The following NOVA2 variants were observed in gnomAD, a reference collection of about 807,000 sequenced individuals.
NOVA2 encodes the protein NOVA alternative splicing regulator 2.
Under a neutral mutation model 22.5 loss-of-function variants are expected in NOVA2, and 9 were observed. The ratio of observed to expected loss-of-function variants is 0.40; its 90% CI spans 0.24 to 0.70. The LOEUF is 0.70. NOVA2 is among the 30% of genes least tolerant of loss of function. NOVA2 has a pLI of 0.38. For synonymous variants in NOVA2, 318 were observed against 335.2 expected (o/e 0.95, Z 0.56); for missense variants, 383 against 682.8 (o/e 0.56, Z 4.89).
intron 2 of NOVA2, among the ~76,000 whole-genome samples, chr19:45,958,701 C>T (rs779963030): frequency 1.4e-4 from 21 of 152,058 alleles, no homozygotes; most frequent in African/African-American, 3.6e-4. Flanking sequence ...CTACTAGGCC[C>T]AGAGTGCCCT....
At chr19:45,963,826 G>C (rs1177342511) in intron 1 of NOVA2, among the ~76,000 whole-genome samples, 1 of 151,846 alleles carries the variant, frequency 6.6e-6, no homozygotes, top group South Asian at 2.1e-4. Context: ...CACCGCGCCC[G>C]GGCCCCCTCA....
chr19:45,971,932 A>G (rs914414737), intron 1 of NOVA2, among the ~76,000 whole-genome samples: 1 of 151,676 alleles, frequency 6.6e-6, no homozygotes, highest in Non-Finnish European at 1.5e-5. Flanking sequence ...TCCTTGGGTC[A>G]CACACCCAGG....
chr19:45,970,295 T>C (rs1042000720), intron 1 of NOVA2, among the ~76,000 whole-genome samples: 1 of 152,162 alleles, frequency 6.6e-6, no homozygotes, highest in African/African-American at 2.4e-5. Context: ...CATAGCATGT[T>C]GGGAGAGTGA....
rs1568660387 is a variant in NOVA2, at chr19:45,940,503, C to T, written c.839G>A (p.Ser280Asn). ...AFSGTDLLAI[S>N]TALNTLASYG... is the part of the protein sequence containing the mutation. ...ACTTGCCAGCGTGTTAAGCGCCGTG[C>T]TGATGGCCAGCAGGTCGGTGCCTGA... The change falls in exon 4 of 4, where the codon AGC (serine) becomes AAC (asparagine). Residue 280 changes from serine to asparagine, a missense_variant. By Grantham distance (46) the Ser-to-Asn change is conservative (BLOSUM62 1). Coordinates refer to ENST00000263257, the MANE Select transcript of NOVA2 (RefSeq NM_002516.4). 6.6e-7 allele frequency: 1 copy of T among 1,521,954 alleles called. No homozygotes were observed. 94.3% of individuals were successfully genotyped at this position (1,521,954 alleles called of 1,614,324 possible).
At chr19:45,973,033 T>C (rs1470757574) in intron 1 of NOVA2, among the ~76,000 whole-genome samples, 1 of 125,378 alleles carries the variant, frequency 8.0e-6, no homozygotes, top group African/African-American at 3.0e-5. Context: ...AGGACACTTA[T>C]CACCCCCTCC....
rs548746798 is a variant in NOVA2, at chr19:45,950,450, T to A, written c.396+3330A>T. ...TGTTGGAATTACAGGCATGAGCCAC[T>A]GCTCCCGGCCTGTTATGGGAAACAT... On this transcript the variant is annotated intron_variant, in intron 3 of 3. Coordinates refer to ENST00000263257, the MANE Select transcript of NOVA2 (RefSeq NM_002516.4). 4.6e-5 allele frequency among the ~76,000 whole-genome samples: 7 copies of A among 152,318 alleles called. No individual in the cohort carries two copies. The South Asian group carries it at 1.4e-3, about 32-fold the overall frequency.
At position 45,940,820 on chromosome 19, in the gene NOVA2, G is replaced by A; in HGVS notation, c.522C>T (p.Asn174=). 6.2e-7 allele frequency: 1 copy of A among 1,606,274 alleles called. No homozygotes were observed. Among genetic ancestry groups the A allele is most frequent in the Non-Finnish European group, 8.5e-7 (1 of 1,179,922 alleles). ...TGACCGTCACCACGCGCTCCTGCAGGTTGATGCCCTCCGGCTTCTGGGACA... is the reference window on the plus strand; with the variant it reads ...TGACCGTCACCACGCGCTCCTGCAGATTGATGCCCTCCGGCTTCTGGGACA... The part of the protein sequence containing the change: ...VQLSQKPEGI[N]LQERVVTVSG... The change falls in exon 4 of 4, where the codon AAC becomes AAT. Residue 174 remains asparagine (N), a synonymous_variant. Coordinates refer to ENST00000263257, the MANE Select transcript of NOVA2 (RefSeq NM_002516.4).
At chr19:45,942,436 T>A (rs1015882036) in intron 3 of NOVA2, among the ~76,000 whole-genome samples, 112 of 152,174 alleles carry the variant, frequency 7.4e-4, no homozygotes, top group African/African-American at 2.4e-3. Context: ...ATCTTGGACT[T>A]CTGGCCTCCA....
rs1967678378 is a variant in NOVA2 at position 45,937,822 on chromosome 19, T to C, written c.*2041A>G. On this transcript the variant is annotated 3_prime_UTR_variant, in exon 4 of 4. Coordinates refer to ENST00000263257, the MANE Select transcript of NOVA2 (RefSeq NM_002516.4). ...TCAGTGCAAGGTACCTCGAAGGCTA[T>C]TGCTTTCTAGGGATTTTCACATTTT... is the stretch of plus-strand genomic sequence containing the variant. The C allele has an allele frequency of 1.3e-5, 2 of 152,138 alleles. No homozygotes were observed. The highest frequency in any genetic ancestry group is 1.5e-5 in the Non-Finnish European group (1 of 68,044). The allele number at this position is 152,138 out of a possible 1,614,324, so 9.4% of individuals were successfully genotyped here.
rs1198556467 is a variant in NOVA2, at chr19:45,940,103, C to G, written c.1239G>C (p.Val413=). ...ESAKELVEIA[V]PENLVGAILG... is the part of the protein sequence containing the mutation. Reference sequence around the variant, plus strand: ...GGATGGCTCCCACCAGGTTCTCAGGCACCGCAATCTCCACCAGCTCCTTGG... The same window carrying G: ...GGATGGCTCCCACCAGGTTCTCAGGGACCGCAATCTCCACCAGCTCCTTGG... Residue 413 remains valine (V), a synonymous_variant, in exon 4 of 4, where the codon GTG becomes GTC. Coordinates refer to ENST00000263257, the MANE Select transcript of NOVA2 (RefSeq NM_002516.4). The G allele has an allele frequency of 6.2e-7, 1 of 1,613,602 alleles. No homozygotes were observed. The highest frequency in any genetic ancestry group is 2.2e-5 in the East Asian group (1 of 44,854).
At position 45,940,620 on chromosome 19, in the gene NOVA2, G is replaced by A; in HGVS notation, c.722C>T (p.Ala241Val). Residue 241 changes from alanine (A) to valine (V), a missense_variant, in exon 4 of 4, where the codon GCG (alanine) becomes GTG (valine). By Grantham distance (64) the Ala-to-Val change is moderately conservative. Around this residue, in one of 2 missense-constraint regions of NOVA2, gnomAD observed 349 missense variants for 578.1 expected, o/e 0.60. Transcript: ENST00000263257. Reference sequence around the variant, plus strand: ...GGCGGCGGCGGCCGACGCTGCGGCCGCGGCTGGCAGCACATCCGCGGGGCT... The same window carrying A: ...GGCGGCGGCGGCCGACGCTGCGGCCACGGCTGGCAGCACATCCGCGGGGCT... ...YASPADVLPA[A>V]AAASAAAASG... 2 of 1,445,774 alleles carry A rather than the reference G, an allele frequency of 1.4e-6. No homozygotes were observed. The highest frequency in any genetic ancestry group is 1.5e-5 in the South Asian group (1 of 65,108). 89.6% of individuals were successfully genotyped at this position (1,445,774 alleles called of 1,614,324 possible).
chr19:45,938,305 A>T lies in NOVA2; in HGVS notation c.*1558T>A, dbSNP rs1339353601. The T allele has an allele frequency of 3.3e-5, 5 of 152,386 alleles. No individual in the cohort carries two copies. Among genetic ancestry groups the T allele is most frequent in the Admixed American group, 1.3e-4 (2 of 15,286 alleles). 9.4% of individuals were successfully genotyped at this position (152,386 alleles called of 1,614,324 possible). On this transcript the variant is annotated 3_prime_UTR_variant, in exon 4 of 4. Transcript: ENST00000263257. ...CTGGCTTGTCAGACTCCATCAGAAC[A>T]TTCTAGTTCTCCAGAGCCCCTGGTG...
intron 2 of NOVA2, among the ~76,000 whole-genome samples, chr19:45,955,582 G>A (rs944276302): frequency 6.6e-6 from 1 of 152,080 alleles, no homozygotes; most frequent in Non-Finnish European, 1.5e-5. Flanking sequence ...GAGTGTGGCC[G>A]GGTGCGGTGG....
intron 1 of NOVA2, among the ~76,000 whole-genome samples, chr19:45,970,912 G>A (rs2146430504): frequency 6.6e-6 from 1 of 152,268 alleles, no homozygotes; most frequent in South Asian, 2.1e-4. Flanking sequence ...ACAGAAGCGG[G>A]GTGGGAGACA....
chr19:45,940,061 C>G lies in NOVA2; in HGVS notation c.1281G>C (p.Lys427Asn). 1 of 1,614,070 alleles carries G rather than the reference C, an allele frequency of 6.2e-7. No individual in the cohort carries two copies. Among genetic ancestry groups the G allele is most frequent in the Non-Finnish European group, 8.5e-7 (1 of 1,179,976 alleles). Residue 427 changes from lysine to asparagine, a missense_variant, in exon 4 of 4, where the codon AAG becomes AAC. Lys to Asn is a moderately conservative substitution (Grantham distance 94, BLOSUM62 0). Around this residue, in one of 2 missense-constraint regions of NOVA2, gnomAD observed 34 missense variants for 104.7 expected, o/e 0.32. Transcript: ENST00000263257. ...LVGAILGKGG[K>N]TLVEYQELTG... ...TCAGCTCCTGGTACTCCACCAACGT[C>G]TTGCCCCCCTTCCCCAGGATGGCTC...
intron 2 of NOVA2, 30 bp downstream of exon 2, chr19:45,960,980 C>A: frequency 6.4e-7 from 1 of 1,559,572 alleles, no homozygotes. Flanking sequence ...GGGCGGGGGG[C>A]CTAGGGCAGA....
At chr19:45,955,555 A>T (rs1967991959) in intron 2 of NOVA2, among the ~76,000 whole-genome samples, 1 of 152,090 alleles carries the variant, frequency 6.6e-6, no homozygotes, top group Non-Finnish European at 1.5e-5. Flanking sequence ...TCTGCCCCTG[A>T]GAATGTAAAA....
In NOVA2 at chr19:45,940,578, G is replaced by T. The variant is rs1301200097; in HGVS notation, c.764C>A (p.Pro255His). ...SAAAASGLLG[P>H]AGLAGVGAFP... Reference sequence around the variant, plus strand: ...GGCCCCCACGCCAGCCAGCCCGGCGGGGCCCAGCAGGCCGGAGGCGGCGGC... The same window carrying T: ...GGCCCCCACGCCAGCCAGCCCGGCGTGGCCCAGCAGGCCGGAGGCGGCGGC... The change falls in exon 4 of 4, where the codon CCC becomes CAC. Residue 255 changes from proline (P) to histidine (H), a missense_variant. Transcript: ENST00000263257. The T allele has an allele frequency of 4.8e-6, 7 of 1,444,024 alleles. No individual in the cohort carries two copies. Among genetic ancestry groups the T allele is most frequent in the Non-Finnish European group, 6.3e-6 (7 of 1,103,774 alleles). 89.5% of individuals were successfully genotyped at this position (1,444,024 alleles called of 1,614,324 possible). A position where few individuals can be genotyped will look rare whatever the true frequency, so the allele number is the denominator to read the frequency against.
At position 45,938,439 on chromosome 19, in the gene NOVA2, G is replaced by A. The variant is rs1241736012; in HGVS notation, c.*1424C>T. On this transcript the variant is annotated 3_prime_UTR_variant, in exon 4 of 4. Coordinates refer to ENST00000263257, the MANE Select transcript of NOVA2 (RefSeq NM_002516.4). ...GACCACACGAAGCATTCTGGCCCAA[G>A]GGACCCTACTATGGCTCACTGAACT... 1 of 152,246 alleles carries A rather than the reference G, an allele frequency of 6.6e-6. No individual in the cohort carries two copies. The highest frequency in any genetic ancestry group is 2.4e-5 in the African/African-American group (1 of 41,416). The allele number at this position is 152,246 out of a possible 1,614,324, so 9.4% of individuals were successfully genotyped here. A position where few individuals can be genotyped will look rare whatever the true frequency, so the allele number is the denominator to read the frequency against.
Sources: allele counts gnomAD v4.1 joint callset (sites outside exome capture counted in the v4.1 genomes callset), GRCh38; gene constraint gnomAD v4.1.1; regional missense constraint gnomAD v4.1.1; transcripts MANE v1.5; gene names NCBI Gene and HGNC (gene_info 2026-07-23, HGNC 2026-07-21).